Variants in FZR1 observed in about 807,000 individuals in gnomAD.
The protein encoded by FZR1 is fizzy-related protein homolog.
FZR1 carries 11 observed loss-of-function variants against 63.6 expected under a neutral mutation model. The ratio of observed to expected loss-of-function variants is 0.17; its 90% confidence interval spans 0.11 to 0.29. The LOEUF is 0.29. Ranked by LOEUF, FZR1 falls within the 10% of genes least tolerant of loss-of-function variation. The pLI, the probability that FZR1 is intolerant of heterozygous loss-of-function variation, is 1.00. For synonymous variants in FZR1, 328 were observed against 297.9 expected (o/e 1.10, Z -1.04); for missense variants, 440 against 687.5 (o/e 0.64, Z 4.03).
chr19:3,527,669 A>G lies in FZR1; in HGVS notation c.509A>G (p.Lys170Arg). The G allele has an allele frequency of 6.2e-7, 1 of 1,611,636 alleles. No homozygotes were observed. Among genetic ancestry groups the G allele is most frequent in the African/African-American group, 1.3e-5 (1 of 75,036 alleles). The change falls in exon 7 of 14, where the codon AAG becomes AGG. Residue 170 changes from lysine (K) to arginine (R), a missense_variant. By Grantham distance (26) the Lys-to-Arg change is conservative. Coordinates refer to ENST00000441788, the MANE Select transcript of FZR1 (RefSeq NM_016263.4). ...LLRSPRKPTR[K>R]ISKIPFKVLD... is the part of the protein sequence containing the mutation. ...CGGTCCCCCCGGAAACCCACCCGCA[A>G]GATCTCCAAGATCCCCTTCAAGGTG...
chr19:3,521,020 C>T (rs1395733160), intron 1 of FZR1, among the ~76,000 whole-genome samples: 2 of 152,208 alleles, frequency 1.3e-5, no homozygotes, highest in East Asian at 1.9e-4. Context: ...GGCGTGTCCG[C>T]GCTGTGGCCT....
rs200223586 is a variant in FZR1 at position 3,526,406 on chromosome 19, C to G, written c.387+20C>G. ...TTCACGGTAAGCCTGCGGCACCCCC[C>G]ACCCGGGAGCTGGCTCCCAGTGCAG... On this transcript the variant is annotated intron_variant, in intron 5 of 13. Coordinates refer to ENST00000441788, the MANE Select transcript of FZR1 (RefSeq NM_016263.4). This position sits in a 1 kb window ranked among gnomAD's most constrained non-coding sequence, Gnocchi z 5.4. The G allele has an allele frequency of 3.9e-5, 60 of 1,548,466 alleles. No individual in the cohort carries two copies. Among genetic ancestry groups the G allele is most frequent in the Middle Eastern group, 2.2e-4 (1 of 4,618 alleles).
rs369698185 is a variant in FZR1, at chr19:3,531,867, G to C, written c.824-44G>C. 3.8e-6 allele frequency: 6 copies of C among 1,558,570 alleles called. No homozygotes were observed. The Admixed American group carries it at 7.7e-5, about 20-fold the overall frequency. ...GTGAGCTCCCTGAGGCCCCAGCTCC[G>C]CGAGGGCAGGAGAGGCTCACCCCCG... is the stretch of plus-strand genomic sequence containing the variant. On this transcript the variant is annotated intron_variant, in intron 9 of 13. Coordinates refer to ENST00000441788, the MANE Select transcript of FZR1 (RefSeq NM_016263.4).
In FZR1 at chr19:3,538,242, G is replaced by C. The variant is rs1225632673; in HGVS notation, c.*3406G>C. The C allele has an allele frequency of 6.0e-6, 1 of 167,350 alleles. No individual in the cohort carries two copies. Among genetic ancestry groups the C allele is most frequent in the African/African-American group, 2.4e-5 (1 of 41,572 alleles). The allele number at this position is 167,350 out of a possible 1,614,324, so 10.4% of individuals were successfully genotyped here. On this transcript the variant is annotated 3_prime_UTR_variant, in exon 14 of 14. Transcript: ENST00000441788. The stretch of plus-strand genomic sequence containing the variant: ...CCCAGCCAGAGGAGGGGCAGGGCAG[G>C]GCAGGAGGTTTCTGGATGTTTGTTG...
intron 1 of FZR1, among the ~76,000 whole-genome samples, chr19:3,511,638 C>G (rs772765633): frequency 6.6e-6 from 1 of 152,186 alleles, no homozygotes; most frequent in Non-Finnish European, 1.5e-5. Context: ...GCACCTAGAA[C>G]CCACATGGCA....
rs545519165 is a variant in FZR1 at position 3,523,502 on chromosome 19, C to A, written c.69+444C>A. Among the ~76,000 whole-genome samples, 21 of 152,380 alleles carry A rather than the reference C, an allele frequency of 1.4e-4. No homozygotes were observed. In the East Asian group the frequency reaches 3.3e-3, roughly 24 times the overall value. Reference sequence around the variant, plus strand: ...GGCTCCAGGCAGGCCACTGGCCACACAGGGTCTCGGGGCTGGTGGCTGCTG... The same window carrying A: ...GGCTCCAGGCAGGCCACTGGCCACAAAGGGTCTCGGGGCTGGTGGCTGCTG... On this transcript the variant is annotated intron_variant, in intron 2 of 13. Transcript: ENST00000441788.
Position 3,537,393 on chromosome 19 carries a change from G to C in FZR1, c.*2557G>C, listed in dbSNP as rs967365913. On this transcript the variant is annotated 3_prime_UTR_variant, in exon 14 of 14. Transcript: ENST00000441788. ...GTGGTTGGGAGACGCCCAGATGGAG[G>C]GGGAGGCTGACCAAGGGCCCCGCAG... is the stretch of plus-strand genomic sequence containing the variant. The C allele has an allele frequency of 1.3e-5, 2 of 152,334 alleles. No homozygotes were observed. Among genetic ancestry groups the C allele is most frequent in the Non-Finnish European group, 2.9e-5 (2 of 68,104 alleles). 9.4% of individuals were successfully genotyped at this position (152,334 alleles called of 1,614,324 possible). A position where few individuals can be genotyped will look rare whatever the true frequency, so the allele number is the denominator to read the frequency against.
intron 8 of FZR1, among the ~76,000 whole-genome samples, chr19:3,531,249 C>T (rs746866126): frequency 6.6e-5 from 10 of 152,200 alleles, no homozygotes; most frequent in Non-Finnish European, 1.3e-4. Context: ...GTCTGTGCCC[C>T]TCACCCAGAG....
intron 1 of FZR1, among the ~76,000 whole-genome samples, chr19:3,507,577 G>A (rs758438100): frequency 1.4e-4 from 22 of 152,168 alleles, no homozygotes; most frequent in Admixed American, 2.6e-4. Context: ...ATGCCTCTCC[G>A]TGGTGAGGCC....
In FZR1 at chr19:3,532,619, A is replaced by G. The variant is rs1357788894; in HGVS notation, c.1211A>G (p.Asn404Ser). ...ATCGACACGGGCTCCCAAGTGTGCA[A>G]TCTGGCCTGGTCCAAGCACGCCAAC... ...QCIDTGSQVC[N>S]LAWSKHANEL... Residue 404 changes from asparagine (N) to serine (S), a missense_variant, in exon 11 of 14, where the codon AAT becomes AGT. Physicochemically the swap from Asn to Ser is conservative, Grantham distance 46. This residue lies in a region of FZR1 where 208 missense variants were observed against 363.6 expected (regional missense o/e 0.57). Coordinates refer to ENST00000441788, the MANE Select transcript of FZR1 (RefSeq NM_016263.4). 5 of 1,612,462 alleles carry G rather than the reference A, an allele frequency of 3.1e-6. No individual in the cohort carries two copies. The highest frequency in any genetic ancestry group is 4.2e-6 in the Non-Finnish European group (5 of 1,179,668).
intron 1 of FZR1, among the ~76,000 whole-genome samples, chr19:3,509,075 G>A (rs2083006403): frequency 6.6e-6 from 1 of 152,232 alleles, no homozygotes; most frequent in South Asian, 2.1e-4. Context: ...GTGGTCACCA[G>A]TGACCTGCTC....
At chr19:3,534,586 C>A in intron 13 of FZR1, 73 bp downstream of exon 13, 1 of 1,059,402 alleles carries the variant, frequency 9.4e-7, no homozygotes, top group Non-Finnish European at 1.4e-6. Context: ...TCCCCACTGT[C>A]CTCGGGCGTA....
Position 3,514,208 on chromosome 19 carries a change from A to AT in FZR1, c.-35+7736dup, listed in dbSNP as rs1485352017. 6.6e-6 allele frequency among the ~76,000 whole-genome samples: 1 copy of AT among 152,122 alleles called. No homozygotes were observed. The highest frequency in any genetic ancestry group is 2.4e-5 in the African/African-American group (1 of 41,418). On this transcript the variant is annotated intron_variant, in intron 1 of 13. Coordinates refer to ENST00000441788, the MANE Select transcript of FZR1 (RefSeq NM_016263.4). This position sits in a 1 kb window ranked among gnomAD's most constrained non-coding sequence, Gnocchi z 4.2. ...GCCTGGAGACAAATCGTGCCGTGCC[A>AT]TTGGCCCCCACAAACAGTGCCTCAT...
chr19:3,526,296 G>T lies in FZR1; in HGVS notation c.297G>T (p.Leu99=), dbSNP rs1451574657. The T allele has an allele frequency of 1.2e-6, 2 of 1,608,534 alleles. No individual in the cohort carries two copies. The highest frequency in any genetic ancestry group is 1.1e-5 in the South Asian group (1 of 90,670). Residue 99 remains leucine, a synonymous_variant, in exon 5 of 14, where the codon CTG becomes CTT. Transcript: ENST00000441788. This position sits in a 1 kb window ranked among gnomAD's most constrained non-coding sequence, Gnocchi z 5.4. ...ACTCTGCCCTGCTCAAGAATGAGCT[G>T]CTGGGTGCCGGCATCGAGAAGGTGC... ...LAYSALLKNE[L]LGAGIEKVQD... is the part of the protein sequence containing the mutation.
chr19:3,527,929 C>G, intron 7 of FZR1, 115 bp downstream of exon 7: 1 of 747,274 alleles, frequency 1.3e-6, no homozygotes, highest in Non-Finnish European at 2.0e-6. Context: ...CTGCCATGGC[C>G]CTCCTAGCTG....
chr19:3,507,440 A>C (rs1488819636), intron 1 of FZR1, among the ~76,000 whole-genome samples: 1 of 150,300 alleles, frequency 6.7e-6, no homozygotes, highest in Non-Finnish European at 1.5e-5. Flanking sequence ...CCCGATATGC[A>C]GATGTTCAGC....
At chr19:3,529,165 GTT>G in intron 7 of FZR1, among the ~76,000 whole-genome samples, 1 of 136,600 alleles carries the variant, frequency 7.3e-6, no homozygotes, top group African/African-American at 2.9e-5. Context: ...TGGGAGAGCG[GTT>G]GGGAGAGCGG....
At chr19:3,520,802 C>T (rs1171261938) in intron 1 of FZR1, among the ~76,000 whole-genome samples, 2 of 152,270 alleles carry the variant, frequency 1.3e-5, no homozygotes, top group South Asian at 4.1e-4. Context: ...TATCTCAGGA[C>T]AGAGTGGTGC....
At position 3,515,982 on chromosome 19, in the gene FZR1, C is replaced by G. The variant is rs111928537; in HGVS notation, c.-34-6974C>G. ...CCGCTCCCTGTCTGATGGCCTCTTG[C>G]GTCTTCCACTCTGACTAGCTGCCGC... On this transcript the variant is annotated intron_variant, in intron 1 of 13. Coordinates refer to ENST00000441788, the MANE Select transcript of FZR1 (RefSeq NM_016263.4). The surrounding 1 kb of genome is among the most constrained non-coding windows in gnomAD (Gnocchi z 4.6). Among the ~76,000 whole-genome samples, 748 of 152,252 alleles carry G rather than the reference C, an allele frequency of 4.9e-3. 4 individuals are homozygous for G. The highest frequency in any genetic ancestry group is 8.6e-3 in the Non-Finnish European group (584 of 68,014).
Sources: gnomAD v4.1 joint callset for allele counts (sites outside exome capture counted in the v4.1 genomes callset) on GRCh38, gnomAD v4.1.1 for gene constraint, gnomAD v4.1.1 regional missense constraint, Gnocchi (gnomAD v3.1) non-coding constraint, MANE v1.5 for transcripts, NCBI Gene and HGNC (gene_info 2026-07-23, HGNC 2026-07-21) for gene names.